Variants in FRZB observed in about 807,000 individuals in gnomAD.
FRZB encodes the protein secreted frizzled-related protein 3.
In FRZB, 34 loss-of-function variants were observed where a neutral mutation model predicts 32.5. The observed-to-expected ratio is 1.05, with a 90% CI of 0.80 to 1.39. FRZB has a LOEUF of 1.39. FRZB is among the 40% of genes most tolerant of loss of function. The pLI is 0.00. For synonymous variants in FRZB, 170 were observed against 159.2 expected, an observed-to-expected ratio of 1.07 and a Z score of -0.51; for missense variants, 423 against 424.8, an observed-to-expected ratio of 1.00 and a Z score of 0.04.
intron 1 of FRZB, among the ~76,000 whole-genome samples, chr2:182,859,830 G>A (rs761702745): frequency 1.3e-5 from 2 of 152,132 alleles, no homozygotes; most frequent in Admixed American, 6.5e-5. Context: ...CAAACAAACA[G>A]ATAAGCAAGT....
intron 5 of FRZB, among the ~76,000 whole-genome samples, chr2:182,837,056 T>C (rs911207381): frequency 1.3e-5 from 2 of 152,024 alleles, no homozygotes; most frequent in Non-Finnish European, 2.9e-5. Flanking sequence ...GGATGTATTA[T>C]GTTTGGTACA....
At chr2:182,847,084 T>C (rs1695651734) in intron 2 of FRZB, among the ~76,000 whole-genome samples, 2 of 152,274 alleles carry the variant, frequency 1.3e-5, no homozygotes, top group South Asian at 2.1e-4. Context: ...GTAGGACACA[T>C]GATGGGCACT....
chr2:182,843,526 T>C (rs1695607375), intron 2 of FRZB, among the ~76,000 whole-genome samples: 1 of 152,162 alleles, frequency 6.6e-6, no homozygotes, highest in Non-Finnish European at 1.5e-5. Flanking sequence ...GAGAAAGCTT[T>C]AGTAAAAATT....
At chr2:182,858,480 T>C (rs1311702377) in intron 2 of FRZB, among the ~76,000 whole-genome samples, 1 of 152,068 alleles carries the variant, frequency 6.6e-6, no homozygotes, top group Non-Finnish European at 1.5e-5. Context: ...CTTGTAATTA[T>C]AAAGGGATAC....
chr2:182,849,701 C>T (rs1221650552), intron 2 of FRZB, among the ~76,000 whole-genome samples: 1 of 152,172 alleles, frequency 6.6e-6, no homozygotes, highest in East Asian at 1.9e-4. Context: ...GTAATTTGCA[C>T]TTTGTAAAAG....
Position 182,834,712 on chromosome 2 carries a change from T to C in FRZB, c.*137A>G. On this transcript the variant is annotated 3_prime_UTR_variant, in exon 6 of 6. Transcript: ENST00000295113. ...GCAGAAACCAAAAGAGAAACAGAAG[T>C]AATAATCAGTTATCACATGATTTTT... 1 of 695,098 alleles carries C rather than the reference T, an allele frequency of 1.4e-6. No homozygotes were observed. Among genetic ancestry groups the C allele is most frequent in the Middle Eastern group, 2.4e-4 (1 of 4,086 alleles). 43.1% of individuals were successfully genotyped at this position (695,098 alleles called of 1,614,324 possible).
At chr2:182,842,323 G>A (rs1170637775) in intron 3 of FRZB, among the ~76,000 whole-genome samples, 155 bp downstream of exon 3, 1 of 152,066 alleles carries the variant, frequency 6.6e-6, no homozygotes, top group Non-Finnish European at 1.5e-5. Flanking sequence ...TTAATTGGTC[G>A]GGGCAGAGGG....
intron 5 of FRZB, among the ~76,000 whole-genome samples, chr2:182,835,289 C>T (rs1345954013): frequency 6.6e-6 from 1 of 151,962 alleles, no homozygotes; most frequent in Non-Finnish European, 1.5e-5. Context: ...ATACAGGAGG[C>T]TAGTGCTTCA....
intron 2 of FRZB, among the ~76,000 whole-genome samples, chr2:182,855,710 T>C (rs752351713): frequency 1.5e-4 from 23 of 152,278 alleles, no homozygotes; most frequent in Middle Eastern, 6.8e-3. Flanking sequence ...GACTATTGTG[T>C]AAAAAGCAAG....
At position 182,834,876 on chromosome 2, in the gene FRZB, G is replaced by A; in HGVS notation, c.951C>T (p.Asn317=). The A allele has an allele frequency of 6.2e-7, 1 of 1,613,434 alleles. No homozygotes were observed. The highest frequency in any genetic ancestry group is 8.5e-7 in the Non-Finnish European group (1 of 1,179,574). Residue 317 remains asparagine (N), a synonymous_variant, in exon 6 of 6, where the codon AAC becomes AAT. Coordinates refer to ENST00000295113, the MANE Select transcript of FRZB (RefSeq NM_001463.4). ...DSTQSQKSGR[N]SNPRQARN ...AGTTGCGTGCTTGCCGGGGGTTCGA[G>A]TTCCTGCCAGACTTCTGACTCTGAG...
chr2:182,840,867 C>T (rs1218492892), intron 3 of FRZB, among the ~76,000 whole-genome samples: 1 of 152,010 alleles, frequency 6.6e-6, no homozygotes, highest in Non-Finnish European at 1.5e-5. Flanking sequence ...ACAGCAACAA[C>T]CATTGAAGCA....
At position 182,843,046 on chromosome 2, in the gene FRZB, C is replaced by T. The variant is rs562152707; in HGVS notation, c.527-503G>A. On this transcript the variant is annotated intron_variant, in intron 2 of 5. Coordinates refer to ENST00000295113, the MANE Select transcript of FRZB (RefSeq NM_001463.4). ...AAGAGATAAGCAAGTGTTATTACAACCCAGTGAACTTGGTGAAGTTCTTAA... is the reference window on the plus strand; with the variant it reads ...AAGAGATAAGCAAGTGTTATTACAATCCAGTGAACTTGGTGAAGTTCTTAA... Among the ~76,000 whole-genome samples the T allele has an allele frequency of 4.6e-5, 7 of 152,286 alleles. No homozygotes were observed. In the East Asian group the frequency reaches 9.7e-4, roughly 21 times the overall value.
chr2:182,856,675 G>A (rs959912570), intron 2 of FRZB, among the ~76,000 whole-genome samples: 1 of 152,004 alleles, frequency 6.6e-6, no homozygotes, highest in South Asian at 2.1e-4. Flanking sequence ...ATTACCTATA[G>A]CAATATCAGA....
intron 2 of FRZB, among the ~76,000 whole-genome samples, chr2:182,853,332 C>T (rs142813881): frequency 0.031 from 4,719 of 152,214 alleles, 88 homozygotes; most frequent in Non-Finnish European, 0.041. Flanking sequence ...CATTGAAGTG[C>T]TATATTACTC....
At chr2:182,842,612 A>AT (rs1419376485) in intron 2 of FRZB, 69 bp from the exon 3 acceptor site, 4 of 1,297,172 alleles carry the variant, frequency 3.1e-6, no homozygotes, top group Non-Finnish European at 2.2e-6. Flanking sequence ...TCAGACTCAC[A>AT]TTTTTTGCTC....
At chr2:182,842,104 T>C (rs1695592104) in intron 3 of FRZB, among the ~76,000 whole-genome samples, 1 of 152,184 alleles carries the variant, frequency 6.6e-6, no homozygotes, top group East Asian at 1.9e-4. Flanking sequence ...TGCATCAAAG[T>C]GCTCTGCTGT....
chr2:182,838,443 T>A lies in FRZB; in HGVS notation c.763A>T (p.Ile255Phe). 1 of 1,612,560 alleles carries A rather than the reference T, an allele frequency of 6.2e-7. No individual in the cohort carries two copies. The highest frequency in any genetic ancestry group is 8.5e-7 in the Non-Finnish European group (1 of 1,178,902). Reference sequence around the variant, plus strand: ...TCCTCATCTTCATAGCCCATGATGATATATTCCTCATTAACATTAAGTGGA... The same window carrying A: ...TCCTCATCTTCATAGCCCATGATGAAATATTCCTCATTAACATTAAGTGGA... ...CPPLNVNEEYIIMGYEDEERS... is the reference protein window; with the variant it reads ...CPPLNVNEEYFIMGYEDEERS... Residue 255 changes from isoleucine (I) to phenylalanine (F), a missense_variant, in exon 4 of 6, where the codon ATC (isoleucine) becomes TTC (phenylalanine). Coordinates refer to ENST00000295113, the MANE Select transcript of FRZB (RefSeq NM_001463.4).
intron 2 of FRZB, among the ~76,000 whole-genome samples, chr2:182,850,071 T>G (rs1363712418): frequency 2.0e-5 from 3 of 152,256 alleles, no homozygotes; most frequent in African/African-American, 7.2e-5. Context: ...TTGGCACATA[T>G]TGTGCCTGAT....
intron 2 of FRZB, among the ~76,000 whole-genome samples, chr2:182,846,656 C>A (rs1207883770): frequency 6.6e-6 from 1 of 152,198 alleles, no homozygotes; most frequent in Non-Finnish European, 1.5e-5. Flanking sequence ...CAATTGTCCT[C>A]TTTTCCTCCA....
Sources: gnomAD v4.1 joint callset for allele counts (sites outside exome capture counted in the v4.1 genomes callset) on GRCh38, gnomAD v4.1.1 for gene constraint, MANE v1.5 for transcripts, NCBI Gene and HGNC (gene_info 2026-07-23, HGNC 2026-07-21) for gene names.